TET1: variants seen among roughly 807,000 people sequenced by gnomAD.
TET1 encodes the protein methylcytosine dioxygenase TET1.
Under a neutral mutation model 148.7 loss-of-function variants are expected in TET1, and 13 were observed. That is an observed-to-expected ratio of 0.09 (90% CI 0.06 to 0.14). The LOEUF is 0.14. TET1 is among the 10% of genes least tolerant of loss of function. TET1 has a pLI of 1.00. For missense variants in TET1, 2,182 were observed against 2,553.8 expected, an observed-to-expected ratio of 0.85 and a Z score of 3.14; for synonymous variants, 907 against 937.2, an observed-to-expected ratio of 0.97 and a Z score of 0.59.
chr10:68,593,353 TTTTTGGACCTGGGTTC>T (rs2053940914), intron 2 of TET1, among the ~76,000 whole-genome samples: 1 of 151,854 alleles, frequency 6.6e-6, no homozygotes, highest in Non-Finnish European at 1.5e-5. Flanking sequence ...AAAGAAAACA[TTTTTGGACCTGGGTTC>T]TTTTAAGGTT....
At chr10:68,583,855 A>G (rs1935454) in intron 2 of TET1, among the ~76,000 whole-genome samples, 91,266 of 151,290 alleles carry the variant, frequency 0.6, 27,646 homozygotes, top group Middle Eastern at 0.68. Context: ...AGGTTGCAGT[A>G]AGCTGAGATT....
At chr10:68,567,383 CGGGA>C (rs2053618631) in intron 1 of TET1, among the ~76,000 whole-genome samples, 3 of 152,000 alleles carry the variant, frequency 2.0e-5, no homozygotes, top group African/African-American at 7.2e-5. Context: ...AGATTGAACC[CGGGA>C]GGGTTCAAGT....
In TET1 at chr10:68,691,040, C is replaced by G; in HGVS notation, c.5637C>G (p.Pro1879=). Residue 1879 remains proline (P), a synonymous_variant, in exon 12 of 12, where the codon CCC becomes CCG. Coordinates refer to ENST00000373644, the MANE Select transcript of TET1 (RefSeq NM_030625.3). The surrounding 1 kb of genome is among the most constrained non-coding windows in gnomAD (Gnocchi z 4.4). ...GGTTTTCAGAAAGAAGCAGCACTCC[C>G]CACTGTACGATGCCTTCGGGAAGAC... ...SCGFSERSST[P]HCTMPSGRLS... The G allele has an allele frequency of 6.2e-7, 1 of 1,614,188 alleles. No individual in the cohort carries two copies. The highest frequency in any genetic ancestry group is 8.5e-7 in the Non-Finnish European group (1 of 1,180,038).
intron 6 of TET1, among the ~76,000 whole-genome samples, chr10:68,658,954 G>A (rs183339895): frequency 9.5e-4 from 144 of 152,282 alleles, no homozygotes; most frequent in South Asian, 1.4e-3. Flanking sequence ...GCTGGCCAGC[G>A]TGGTGGCTCA....
At chr10:68,647,626 T>G (rs910400820) in intron 4 of TET1, among the ~76,000 whole-genome samples, 2 of 151,744 alleles carry the variant, frequency 1.3e-5, no homozygotes, top group Admixed American at 1.3e-4. Flanking sequence ...AAGAAAGAAA[T>G]AACTTAATAG....
intron 3 of TET1, among the ~76,000 whole-genome samples, chr10:68,615,042 C>A (rs982669867): frequency 1.3e-5 from 2 of 151,774 alleles, no homozygotes; most frequent in Non-Finnish European, 2.9e-5. Flanking sequence ...TGAAGCAATT[C>A]TTTTGCCTCA....
At chr10:68,586,765 A>G (rs917452677) in intron 2 of TET1, among the ~76,000 whole-genome samples, 3 of 152,114 alleles carry the variant, frequency 2.0e-5, no homozygotes, top group African/African-American at 7.2e-5. Context: ...GAGTGGACCT[A>G]CTTGTAACAT....
At chr10:68,570,135 T>A (rs1196845475) in intron 1 of TET1, among the ~76,000 whole-genome samples, 3 of 151,804 alleles carry the variant, frequency 2.0e-5, no homozygotes, top group Non-Finnish European at 4.4e-5. Context: ...GATGGAGTCT[T>A]GCTCTGTCAC....
chr10:68,636,479 A>G (rs2054651410), intron 3 of TET1, among the ~76,000 whole-genome samples: 1 of 152,126 alleles, frequency 6.6e-6, no homozygotes. Context: ...GCACTTTGGG[A>G]GGCCAAGGCA....
chr10:68,662,255 C>G (rs974870673), intron 6 of TET1, among the ~76,000 whole-genome samples: 1 of 151,966 alleles, frequency 6.6e-6, no homozygotes, highest in Non-Finnish European at 1.5e-5. Flanking sequence ...GTGATCCACC[C>G]GCCTTGACCT....
At chr10:68,583,153 T>C (rs564383667) in intron 2 of TET1, among the ~76,000 whole-genome samples, 291 of 152,334 alleles carry the variant, frequency 1.9e-3, no homozygotes, top group African/African-American at 6.6e-3. Context: ...CACCCTATTA[T>C]CGTGCATGTT....
rs763119180 is a variant in TET1, at chr10:68,573,539, G to C, written c.1201G>C (p.Ala401Pro). The change falls in exon 2 of 12, where the codon GCT becomes CCT. Residue 401 changes from alanine (A) to proline (P), a missense_variant. Physicochemically the swap from Ala to Pro is conservative, Grantham distance 27. Transcript: ENST00000373644. Reference protein sequence around the residue: ...ETPDLPEIPGAIPVQGEVFGT... With the variant: ...ETPDLPEIPGPIPVQGEVFGT... ...CCCAGATCTACCAGAGATTCCTGGT[G>C]CTATTCCAGTCCAAGGAGAGGTCTT... 6.2e-7 allele frequency: 1 copy of C among 1,614,204 alleles called. No homozygotes were observed. Among genetic ancestry groups the C allele is most frequent in the South Asian group, 1.1e-5 (1 of 91,076 alleles).
At position 68,645,319 on chromosome 10, in the gene TET1, A is replaced by G. The variant is rs2054825583; in HGVS notation, c.2590A>G (p.Ser864Gly). 1 of 1,614,066 alleles carries G rather than the reference A, an allele frequency of 6.2e-7. No homozygotes were observed. Among genetic ancestry groups the G allele is most frequent in the African/African-American group, 1.3e-5 (1 of 74,930 alleles). Residue 864 changes from serine to glycine, a missense_variant, in exon 4 of 12, where the codon AGT becomes GGT. Ser to Gly is a moderately conservative substitution (Grantham distance 56, BLOSUM62 0). This residue lies in a region of TET1 where 582 missense variants were observed against 599.5 expected (regional missense o/e 0.97). Coordinates refer to ENST00000373644, the MANE Select transcript of TET1 (RefSeq NM_030625.3). Reference protein sequence around the residue: ...DQPKTPENIPSKEPKDGSPVQ... With the variant: ...DQPKTPENIPGKEPKDGSPVQ... The stretch of plus-strand genomic sequence containing the variant: ...ACCAAAAACTCCTGAGAATATACCA[A>G]GTAAAGAACCAAAAGATGGATCTCC...
At chr10:68,622,767 C>T (rs56678761) in intron 3 of TET1, among the ~76,000 whole-genome samples, 226 of 152,110 alleles carry the variant, frequency 1.5e-3, no homozygotes, top group African/African-American at 5.2e-3. Flanking sequence ...TTTGTAGAGA[C>T]AGTGTCTCGC....
Position 68,596,099 on chromosome 10 carries a change from C to T in TET1, c.1915-4882C>T, listed in dbSNP as rs1457165590. Among the ~76,000 whole-genome samples, 9 of 146,362 alleles carry T rather than the reference C, an allele frequency of 6.1e-5. No homozygotes were observed. In the South Asian group the frequency reaches 1.1e-3, roughly 18 times the overall value. On this transcript the variant is annotated intron_variant, in intron 2 of 11. Coordinates refer to ENST00000373644, the MANE Select transcript of TET1 (RefSeq NM_030625.3). ...TGTTGCCCAGGCTGCAGTGCAGTGG[C>T]GCAATCTCAGCTCACTACAAACTCC...
chr10:68,660,604 A>G (rs2055093527), intron 6 of TET1, among the ~76,000 whole-genome samples: 1 of 150,180 alleles, frequency 6.7e-6, no homozygotes, highest in Non-Finnish European at 1.5e-5. Context: ...GGCCTCCCAA[A>G]GTGCTGGGAT....
chr10:68,632,382 G>T, intron 3 of TET1: 1 of 1,605,492 alleles, frequency 6.2e-7, no homozygotes, highest in Non-Finnish European at 8.5e-7. Context: ...TGGCCTCCAC[G>T]CCGGAGCCCG....
intron 11 of TET1, among the ~76,000 whole-genome samples, chr10:68,688,536 G>A (rs1442871307): frequency 1.4e-5 from 2 of 146,958 alleles, no homozygotes; most frequent in East Asian, 2.0e-4. Flanking sequence ...CCGGGTTCAC[G>A]CCATTCTCCT....
intron 2 of TET1, among the ~76,000 whole-genome samples, chr10:68,592,509 G>T (rs191786268): frequency 6.6e-6 from 1 of 152,106 alleles, no homozygotes; most frequent in African/African-American, 2.4e-5. Context: ...ATTCTAACGG[G>T]AACGGTAGAG....
Sources: gnomAD v4.1 joint callset for allele counts (sites outside exome capture counted in the v4.1 genomes callset) on GRCh38, gnomAD v4.1.1 for gene constraint, gnomAD v4.1.1 regional missense constraint, Gnocchi (gnomAD v3.1) non-coding constraint, MANE v1.5 for transcripts, NCBI Gene and HGNC (gene_info 2026-07-23, HGNC 2026-07-21) for gene names.